DKC1: variants seen among roughly 807,000 people sequenced by gnomAD.
DKC1 encodes H/ACA ribonucleoprotein complex subunit DKC1.
Under a neutral mutation model 46.7 loss-of-function variants are expected in DKC1, and 4 were observed. The ratio of observed to expected loss-of-function variants is 0.09; its 90% CI spans 0.04 to 0.20. The LOEUF is 0.20. Ranked by LOEUF, DKC1 falls within the 10% of genes least tolerant of loss-of-function variation. The pLI, the probability that DKC1 is intolerant of heterozygous loss-of-function variation, is 1.00. For missense variants in DKC1, 171 were observed against 404.2 expected (o/e 0.42, Z 4.95); for synonymous variants, 141 against 142.4 (o/e 0.99, Z 0.07).
At chrX:154,768,520 A>G (rs373582903) in intron 8 of DKC1, 88 bp downstream of exon 8, 14 of 1,137,147 alleles carry the variant, frequency 1.2e-5, no homozygotes, top group Admixed American at 4.4e-5. Context: ...TGTCGTGGGA[A>G]AGATGCTTTC....
Position 154,770,890 on chromosome X carries a change from A to G in DKC1, c.1036+11A>G. On this transcript the variant is annotated intron_variant, in intron 10 of 14. Coordinates refer to ENST00000369550, the MANE Select transcript of DKC1 (RefSeq NM_001363.5). ...AAGCAATCTGCATGGGTAAGAGGGG[A>G]TGTTTATTTTTTAAATTCTAAATGT... 1 of 1,208,946 alleles carries G rather than the reference A, an allele frequency of 8.3e-7. No individual in the cohort carries two copies. The highest frequency in any genetic ancestry group is 1.1e-6 in the Non-Finnish European group (1 of 893,302).
rs782090923 is a variant in DKC1, at chrX:154,777,086, A to G, written c.*219A>G. ...GGGTGGTGAAAGATGAAAGAGGCAG[A>G]GTTTATCCCAATGACTTCTCTGTTT... On this transcript the variant is annotated 3_prime_UTR_variant, in exon 15 of 15. Coordinates refer to ENST00000369550, the MANE Select transcript of DKC1 (RefSeq NM_001363.5). The G allele has an allele frequency of 5.9e-6, 2 of 337,573 alleles. No homozygotes were observed. The highest frequency in any genetic ancestry group is 1.1e-4 in the East Asian group (2 of 18,313). 27.8% of individuals were successfully genotyped at this position (337,573 alleles called of 1,213,427 possible).
intron 14 of DKC1, among the ~76,000 whole-genome samples, chrX:154,776,590 T>G (rs1557265734): frequency 8.9e-6 from 1 of 112,143 alleles, no homozygotes; most frequent in African/African-American, 3.2e-5. Context: ...GATGGTGATC[T>G]GAATGTTTCC....
At chrX:154,770,630 G>A (rs1557264814) in intron 9 of DKC1, 129 bp from the exon 10 acceptor site, 2 of 900,837 alleles carry the variant, frequency 2.2e-6, no homozygotes, top group Non-Finnish European at 3.2e-6. Context: ...CTTGCAGCTA[G>A]TGGGCTATAA....
chrX:154,770,997 C>A, intron 10 of DKC1, 118 bp downstream of exon 10: 1 of 715,854 alleles, frequency 1.4e-6, no homozygotes, highest in East Asian at 3.3e-5. Context: ...ATAATCACAT[C>A]ATGGAGAATG....
rs1557264636 is a variant in DKC1, at chrX:154,769,173, A to G, written c.778A>G (p.Met260Val). The stretch of plus-strand genomic sequence containing the variant: ...ATACATGGCTGCTTTTCAGGACCAC[A>G]TGGTGACAATGCATGATGTGCTTGA... ...RSGVMSEKDHMVTMHDVLDAQ... is the reference protein window; with the variant it reads ...RSGVMSEKDHVVTMHDVLDAQ... Residue 260 changes from methionine (M) to valine (V), a missense_variant, in exon 9 of 15, where the codon ATG (methionine) becomes GTG (valine). Physicochemically the swap from Met to Val is conservative, Grantham distance 21. Coordinates refer to ENST00000369550, the MANE Select transcript of DKC1 (RefSeq NM_001363.5). 2 of 1,210,699 alleles carry G rather than the reference A, an allele frequency of 1.7e-6. No homozygotes were observed. The highest frequency in any genetic ancestry group is 3.0e-5 in the East Asian group (1 of 33,823).
At chrX:154,774,923 C>T in intron 12 of DKC1, 1 of 569,508 alleles carries the variant, frequency 1.8e-6, no homozygotes, top group Non-Finnish European at 3.2e-6. Context: ...TTGCTAAATG[C>T]AGGACCACAG....
At chrX:154,768,093 AC>A in intron 7 of DKC1, 1 of 442,817 alleles carries the variant, frequency 2.3e-6, no homozygotes, top group Non-Finnish European at 4.0e-6. Context: ...GTCGTGATCC[AC>A]CCGCCTCTGC....
At chrX:154,764,141 AG>A (rs1363949930) in intron 1 of DKC1, among the ~76,000 whole-genome samples, 1 of 108,061 alleles carries the variant, frequency 9.3e-6, no homozygotes, top group Non-Finnish European at 1.9e-5. Flanking sequence ...GCCTGGGGAA[AG>A]AGTGTGACCG....
chrX:154,763,121 G>A, intron 1 of DKC1, 140 bp downstream of exon 1: 1 of 788,701 alleles, frequency 1.3e-6, no homozygotes, highest in Non-Finnish European at 1.9e-6. Context: ...GCCTTAAGCC[G>A]GCCTTGTCTC....
chrX:154,775,219 T>A lies in DKC1; in HGVS notation c.1284T>A (p.Val428=), dbSNP rs1557265544. ...GTGAGTCTGCCAAAAAAGAGGTGGT[T>A]GCTGAAGTGGTAAAAGCCCCGCAGG... is the stretch of plus-strand genomic sequence containing the variant. ...DYSESAKKEV[V]AEVVKAPQVV... The change falls in exon 13 of 15, where the codon GTT becomes GTA. Residue 428 remains valine (V), a synonymous_variant. Coordinates refer to ENST00000369550, the MANE Select transcript of DKC1 (RefSeq NM_001363.5). 8.2e-7 allele frequency: 1 copy of A among 1,212,154 alleles called. No individual in the cohort carries two copies. The highest frequency in any genetic ancestry group is 3.0e-5 in the East Asian group (1 of 33,866).
chrX:154,769,018 AAG>A, intron 8 of DKC1, 147 bp from the exon 9 acceptor site: 11 of 447,650 alleles, frequency 2.5e-5, no homozygotes, highest in South Asian at 7.6e-5. Context: ...AAAAAAAAAA[AAG>A]ATGCCTGGAA....
intron 3 of DKC1, 34 bp downstream of exon 3, chrX:154,765,564 C>A: frequency 9.9e-7 from 1 of 1,005,656 alleles, no homozygotes; most frequent in Non-Finnish European, 1.4e-6. Context: ...AGATGAATGC[C>A]TGCTTTTACG....
chrX:154,771,896 A>G (rs1045702340), intron 10 of DKC1, among the ~76,000 whole-genome samples: 1 of 111,922 alleles, frequency 8.9e-6, no homozygotes, highest in Non-Finnish European at 1.9e-5. Flanking sequence ...GCTGGATCCT[A>G]TGGTAGCTCA....
intron 4 of DKC1, 81 bp downstream of exon 4, chrX:154,766,079 C>A: frequency 1.0e-6 from 1 of 999,242 alleles, no homozygotes; most frequent in Non-Finnish European, 1.4e-6. Flanking sequence ...AAGGCAGTGG[C>A]ATGCCAGAAT....
chrX:154,766,851 ATC>A (rs2071752008), intron 5 of DKC1, 144 bp from the exon 6 acceptor site: 2 of 549,754 alleles, frequency 3.6e-6, no homozygotes, highest in Non-Finnish European at 6.4e-6. Context: ...TCACCATGAA[ATC>A]TCTCTTAATG....
rs1800533 is a variant in DKC1, at chrX:154,776,873, G to C, written c.*6G>C. On this transcript the variant is annotated 3_prime_UTR_variant, in exon 15 of 15. Coordinates refer to ENST00000369550, the MANE Select transcript of DKC1 (RefSeq NM_001363.5). ...TAGAATTGGTTTCTGAGTAGTGAAGGCCACTTGAAGCTGGAGGAGAAACTA... is the reference window on the plus strand; with the variant it reads ...TAGAATTGGTTTCTGAGTAGTGAAGCCCACTTGAAGCTGGAGGAGAAACTA... 2 of 1,182,410 alleles carry C rather than the reference G, an allele frequency of 1.7e-6. No individual in the cohort carries two copies. The highest frequency in any genetic ancestry group is 2.3e-6 in the Non-Finnish European group (2 of 874,493).
intron 9 of DKC1, 82 bp from the exon 10 acceptor site, chrX:154,770,677 C>G (rs890609714): frequency 4.2e-6 from 5 of 1,178,142 alleles, no homozygotes; most frequent in Non-Finnish European, 5.8e-6. Context: ...GCCCCACTCC[C>G]TTGTTGTCCT....
chrX:154,762,872 C>A lies in DKC1; in HGVS notation c.-94C>A. On this transcript the variant is annotated 5_prime_UTR_variant, in exon 1 of 15. Coordinates refer to ENST00000369550, the MANE Select transcript of DKC1 (RefSeq NM_001363.5). ...CAGGGCAGTGCGCGGGTGGGTGGGT[C>A]CTAGCAGCGCGGCCTGACGGGACCA... 1 of 1,084,321 alleles carries A rather than the reference C, an allele frequency of 9.2e-7. No individual in the cohort carries two copies. The allele number at this position is 1,084,321 out of a possible 1,213,427, so 89.4% of individuals were successfully genotyped here. A position where few individuals can be genotyped will look rare whatever the true frequency, so the allele number is the denominator to read the frequency against.
Sources: gnomAD v4.1 joint callset for allele counts (sites outside exome capture counted in the v4.1 genomes callset) on GRCh38, gnomAD v4.1.1 for gene constraint, MANE v1.5 for transcripts, NCBI Gene and HGNC (gene_info 2026-07-23, HGNC 2026-07-21) for gene names.